The following BTD variants were observed in gnomAD, a reference collection of about 807,000 sequenced individuals.
BTD encodes biotinidase.
Under a neutral mutation model 17.7 loss-of-function variants are expected in BTD, and 13 were observed. That is an observed-to-expected ratio of 0.74 (90% CI 0.48 to 1.17). The LOEUF (loss-of-function observed/expected upper bound fraction) is 1.17. BTD is among the 50% of genes most tolerant of loss of function. The probability of loss-of-function intolerance (pLI) is 0.00; values close to 1 mark genes in which losing one functional copy is unlikely to be tolerated. For synonymous variants in BTD, 240 were observed against 245.2 expected (o/e 0.98, Z 0.20); for missense variants, 674 against 650.4 (o/e 1.04, Z -0.39).
chr3:15,707,617 C>T (rs1010219767), intron 3 of BTD, among the ~76,000 whole-genome samples: 1 of 152,132 alleles, frequency 6.6e-6, no homozygotes, highest in Non-Finnish European at 1.5e-5. Context: ...CGGCTGTAGC[C>T]TCTAAGAAGT....
chr3:15,638,345 C>A (rs969160487), intron 2 of BTD, among the ~76,000 whole-genome samples: 41 of 152,244 alleles, frequency 2.7e-4, no homozygotes, highest in African/African-American at 9.6e-4. Context: ...GGAGCCCTTG[C>A]CAGCCTCCAG....
At chr3:15,685,727 A>G (rs2470544) in intron 3 of BTD, among the ~76,000 whole-genome samples, 70,934 of 152,078 alleles carry the variant, frequency 0.47, 19,430 homozygotes, top group Non-Finnish European at 0.6. Flanking sequence ...ATTAAAGTGT[A>G]TAAGAAAATA....
chr3:15,696,231 A>T, intron 3 of BTD: 1 of 1,580,062 alleles, frequency 6.3e-7, no homozygotes, highest in Non-Finnish European at 8.6e-7. Context: ...GTTTCTTAAT[A>T]AGTATTCCAG....
At chr3:15,631,498 G>A in intron 1 of BTD, 1 of 1,532,218 alleles carries the variant, frequency 6.5e-7, no homozygotes, top group South Asian at 1.2e-5. Context: ...TTAGCAAGGT[G>A]GGGAAAAATC....
At chr3:15,603,529 C>G (rs1258374779) in intron 1 of BTD, among the ~76,000 whole-genome samples, 1 of 152,116 alleles carries the variant, frequency 6.6e-6, no homozygotes, top group African/African-American at 2.4e-5. Flanking sequence ...TGGTGGCAGG[C>G]GCCTGTAATC....
chr3:15,690,280 C>A, intron 3 of BTD: 1 of 1,339,240 alleles, frequency 7.5e-7, no homozygotes, highest in Non-Finnish European at 1.0e-6. Context: ...TTCCTAAATA[C>A]TTGAATAAAT....
chr3:15,621,151 T>C (rs2064941360), intron 1 of BTD, among the ~76,000 whole-genome samples: 1 of 152,236 alleles, frequency 6.6e-6, no homozygotes, highest in South Asian at 2.1e-4. Flanking sequence ...ATTGTGAGGG[T>C]GGCTCATCTT....
chr3:15,622,275 T>G (rs550631732), intron 1 of BTD, among the ~76,000 whole-genome samples: 104 of 152,356 alleles, frequency 6.8e-4, no homozygotes, highest in Middle Eastern at 3.4e-3. Flanking sequence ...TTAATTCTTT[T>G]GTACATTTCT....
chr3:15,697,965 G>C (rs1559358031), intron 3 of BTD, among the ~76,000 whole-genome samples: 1 of 152,048 alleles, frequency 6.6e-6, no homozygotes, highest in Non-Finnish European at 1.5e-5. Context: ...TCTTGGGAGG[G>C]TGTATATGTC....
rs34806568 is a variant in BTD at position 15,674,174 on chromosome 3, C to CAA, written c.399+32140_399+32141dup. On this transcript the variant is annotated intron_variant, in intron 3 of 3. Transcript: ENST00000672141. ...GCAACAGAGTGAGACCCTGCCTCTTCAAAAAAAAAAAAAAAAAAAAAAAAG... is the reference window on the plus strand; with the variant it reads ...GCAACAGAGTGAGACCCTGCCTCTTCAAAAAAAAAAAAAAAAAAAAAAAAAAG... Among the ~76,000 whole-genome samples, 169 of 40,254 alleles carry CAA rather than the reference C, an allele frequency of 4.2e-3. 16 individuals carry two copies. The highest frequency in any genetic ancestry group is 0.021 in the Middle Eastern group (1 of 48). 26.4% of individuals were successfully genotyped at this position (40,254 alleles called of 152,430 possible).
intron 3 of BTD, among the ~76,000 whole-genome samples, chr3:15,643,892 G>GA (rs552609192): frequency 0.43 from 36,965 of 85,884 alleles, 7,264 homozygotes; most frequent in East Asian, 0.63. Flanking sequence ...CCCTGTCTCT[G>GA]AAAAAAAAAA....
chr3:15,709,695 T>C (rs757026370), intron 3 of BTD: 10 of 1,584,564 alleles, frequency 6.3e-6, no homozygotes, highest in Non-Finnish European at 8.6e-6. Context: ...TTTATTAAAG[T>C]CTGCACCAGT....
intron 3 of BTD, among the ~76,000 whole-genome samples, chr3:15,674,322 G>A (rs553957235): frequency 1.1e-3 from 163 of 152,124 alleles, no homozygotes; most frequent in Admixed American, 2.2e-3. Flanking sequence ...GGAGTCAATA[G>A]TATATGCTGA....
At chr3:15,609,540 A>T (rs531218751) in intron 1 of BTD, among the ~76,000 whole-genome samples, 1 of 152,214 alleles carries the variant, frequency 6.6e-6, no homozygotes, top group Admixed American at 6.5e-5. Context: ...ACCAATTTAT[A>T]CTCCCAACAT....
chr3:15,714,563 A>C (rs367741961), downstream of BTD: 15 of 1,554,374 alleles, frequency 9.7e-6, no homozygotes, highest in East Asian at 3.4e-4. Flanking sequence ...AAAAAAAAAC[A>C]GAAATACTTT....
At chr3:15,609,473 A>G (rs1247649062) in intron 1 of BTD, among the ~76,000 whole-genome samples, 1 of 152,148 alleles carries the variant, frequency 6.6e-6, no homozygotes, top group African/African-American at 2.4e-5. Flanking sequence ...CATGTGTGAG[A>G]GTTTCTACAT....
downstream of BTD, among the ~76,000 whole-genome samples, chr3:15,713,091 G>A (rs1237143353): frequency 6.6e-6 from 1 of 152,102 alleles, no homozygotes; most frequent in Non-Finnish European, 1.5e-5. Flanking sequence ...TGACCAAAAT[G>A]GGGGTGGGGG....
intron 3 of BTD, chr3:15,677,742 T>C: frequency 4.3e-6 from 2 of 462,818 alleles, no homozygotes; most frequent in Non-Finnish European, 7.7e-6. Context: ...GAGACAATTA[T>C]ATTGTTGTAT....
intron 1 of BTD, chr3:15,606,695 G>T (rs1380405933): frequency 2.0e-5 from 3 of 152,194 alleles, no homozygotes; most frequent in Non-Finnish European, 2.9e-5. Flanking sequence ...TTTCACCTTT[G>T]CACCTTTCAG....
Sources: allele counts gnomAD v4.1 joint callset (sites outside exome capture counted in the v4.1 genomes callset), GRCh38; gene constraint gnomAD v4.1.1; transcripts MANE v1.5; gene names NCBI Gene and HGNC (gene_info 2026-07-23, HGNC 2026-07-21).